VPS11: variants seen among roughly 807,000 people sequenced by gnomAD.
The protein encoded by VPS11 is VPS11 core subunit of CORVET and HOPS complexes.
In VPS11, 51 loss-of-function variants were observed where a neutral mutation model predicts 106.8. The ratio of observed to expected loss-of-function variants is 0.48; its 90% confidence interval spans 0.38 to 0.60. VPS11 has a LOEUF of 0.60. Ranked by LOEUF, VPS11 falls within the 20% of genes least tolerant of loss-of-function variation. The pLI, the probability that VPS11 is intolerant of heterozygous loss-of-function variation, is 0.00. For synonymous variants in VPS11, 453 were observed against 458.7 expected, an observed-to-expected ratio of 0.99 and a Z score of 0.16; for missense variants, 950 against 1,190.0, an observed-to-expected ratio of 0.80 and a Z score of 2.97.
chr11:119,070,032 T>TAAATA (rs1243110961), intron 3 of VPS11, among the ~76,000 whole-genome samples: 2 of 147,718 alleles, frequency 1.4e-5, no homozygotes, highest in African/African-American at 2.5e-5. Context: ...ATAAATAAAA[T>TAAATA]AAATAAAGTT....
rs781992468 is a variant in VPS11 at position 119,078,913 on chromosome 11, G to A, written c.2182G>A (p.Ala728Thr). ...SLWEQALSYF[A>T]RKEEDCKEYV... ...GTGGGAGCAGGCCCTCAGCTACTTC[G>A]CTCGCAAGGAGGAGGACTGCAAGGA... Residue 728 changes from alanine to threonine, a missense_variant, in exon 13 of 16, where the codon GCT (alanine) becomes ACT (threonine). Physicochemically the swap from Ala to Thr is moderately conservative, Grantham distance 58. Around this residue, in one of 3 missense-constraint regions of VPS11, gnomAD observed 453 missense variants for 514.6 expected, o/e 0.88. Coordinates refer to ENST00000621676, the MANE Select transcript of VPS11 (RefSeq NM_021729.6). The A allele has an allele frequency of 1.2e-5, 20 of 1,613,910 alleles. No individual in the cohort carries two copies. The highest frequency in any genetic ancestry group is 6.7e-5 in the East Asian group (3 of 44,896).
chr11:119,081,906 G>C lies in VPS11; in HGVS notation c.*283G>C, dbSNP rs1228098442. 2.3e-6 allele frequency: 1 copy of C among 426,624 alleles called. No homozygotes were observed. The highest frequency in any genetic ancestry group is 3.9e-5 in the East Asian group (1 of 25,784). 26.4% of individuals were successfully genotyped at this position (426,624 alleles called of 1,614,324 possible). A position where few individuals can be genotyped will look rare whatever the true frequency, so the allele number is the denominator to read the frequency against. ...AATAGCTGCTTTCTTCTCTATCCAA[G>C]AGCACCAGGCTGTGCTTGGGTCCTT... On this transcript the variant is annotated 3_prime_UTR_variant, in exon 16 of 16. Coordinates refer to ENST00000621676, the MANE Select transcript of VPS11 (RefSeq NM_021729.6).
At chr11:119,079,875 AC>A (rs1945786247) in intron 14 of VPS11, among the ~76,000 whole-genome samples, 2 of 152,000 alleles carry the variant, frequency 1.3e-5, no homozygotes, top group South Asian at 4.1e-4. Flanking sequence ...CATAATCCCA[AC>A]TCTGAAATCT....
At chr11:119,078,507 C>A in intron 11 of VPS11, 58 bp from the exon 12 acceptor site, 1 of 1,594,572 alleles carries the variant, frequency 6.3e-7, no homozygotes. Context: ...GGCTTTGTCC[C>A]AAGAGACCTT....
intron 7 of VPS11, among the ~76,000 whole-genome samples, chr11:119,074,671 T>TTAGAG (rs1416695561): frequency 1.3e-5 from 2 of 152,156 alleles, no homozygotes; most frequent in Non-Finnish European, 2.9e-5. Flanking sequence ...TCCCAAAGTG[T>TTAGAG]TAGGATTACA....
Position 119,069,212 on chromosome 11 carries a change from C to T in VPS11, c.204C>T (p.Ile68=). ...ACCCTGCACATATGGAAGGCCAGAT[C>T]TGGTTCTTGCCACGTTCCCTACAGC... ...SLVFGDMEGQ[I]WFLPRSLQLT... The change falls in exon 2 of 16, where the codon ATC becomes ATT. Residue 68 remains isoleucine (I), a synonymous_variant. Coordinates refer to ENST00000621676, the MANE Select transcript of VPS11 (RefSeq NM_021729.6). The T allele has an allele frequency of 6.2e-7, 1 of 1,613,976 alleles. No individual in the cohort carries two copies. Among genetic ancestry groups the T allele is most frequent in the East Asian group, 2.2e-5 (1 of 44,886 alleles).
At position 119,071,703 on chromosome 11, in the gene VPS11, T is replaced by G. The variant is rs782470489; in HGVS notation, c.744T>G (p.Ile248Met). The change falls in exon 5 of 16, where the codon ATT (isoleucine) becomes ATG (methionine). Residue 248 changes from isoleucine to methionine, a missense_variant. Ile to Met is a conservative substitution (Grantham distance 10). Around this residue, in one of 3 missense-constraint regions of VPS11, gnomAD observed 435 missense variants for 630.2 expected, o/e 0.69. Transcript: ENST00000621676. ...LSDPSQDLQF[I>M]VAGDECVYLY... Reference sequence around the variant, plus strand: ...ACCCTTCTCAGGACCTGCAGTTCATTGTGGCCGGGGATGAGTGTGTCTACT... The same window carrying G: ...ACCCTTCTCAGGACCTGCAGTTCATGGTGGCCGGGGATGAGTGTGTCTACT... 1 of 1,613,890 alleles carries G rather than the reference T, an allele frequency of 6.2e-7. No individual in the cohort carries two copies. Among genetic ancestry groups the G allele is most frequent in the Non-Finnish European group, 8.5e-7 (1 of 1,179,892 alleles).
In VPS11 at chr11:119,081,789, T is replaced by C; in HGVS notation, c.*166T>C. ...CGGACTTTCTTTCCCTGCCTTCTTA[T>C]TTAGTCAGCTTGCCATCCCTCCTCT... On this transcript the variant is annotated 3_prime_UTR_variant, in exon 16 of 16. Transcript: ENST00000621676. 2 of 938,222 alleles carry C rather than the reference T, an allele frequency of 2.1e-6. No homozygotes were observed. Among genetic ancestry groups the C allele is most frequent in the East Asian group, 2.6e-5 (1 of 37,776 alleles). The allele number at this position is 938,222 out of a possible 1,614,324, so 58.1% of individuals were successfully genotyped here.
At position 119,081,188 on chromosome 11, in the gene VPS11, C is replaced by G. The variant is rs782027690; in HGVS notation, c.2535C>G (p.His845Gln). ...HFLCGHSFHQ[H>Q]CFESYSESDA... ...TGTGTGGCCACTCCTTCCACCAACA[C>G]TGCTTTGAGAGTTACTCGGAAAGTG... The change falls in exon 15 of 16, where the codon CAC (histidine) becomes CAG (glutamine). Residue 845 changes from histidine to glutamine, a missense_variant. Coordinates refer to ENST00000621676, the MANE Select transcript of VPS11 (RefSeq NM_021729.6). 1.2e-6 allele frequency: 2 copies of G among 1,613,928 alleles called. No homozygotes were observed. The highest frequency in any genetic ancestry group is 1.7e-5 in the Admixed American group (1 of 60,010).
chr11:119,069,374 C>G (rs782381457), intron 2 of VPS11, 30 bp downstream of exon 2: 28 of 1,613,690 alleles, frequency 1.7e-5, no homozygotes, highest in Non-Finnish European at 2.4e-5. Flanking sequence ...TGGGAAAGAT[C>G]CAGAAGCCTA....
intron 7 of VPS11, among the ~76,000 whole-genome samples, chr11:119,076,007 C>T (rs1443526954): frequency 2.6e-5 from 4 of 152,000 alleles, no homozygotes; most frequent in Non-Finnish European, 5.9e-5. Flanking sequence ...GTGGGCGGAT[C>T]ACGAGGTCAA....
intron 2 of VPS11, 38 bp downstream of exon 2, chr11:119,069,382 C>G: frequency 1.2e-6 from 2 of 1,613,754 alleles, no homozygotes; most frequent in South Asian, 1.1e-5. Context: ...ATCCAGAAGC[C>G]TAGGAATGAT....
intron 8 of VPS11, 112 bp from the exon 9 acceptor site, chr11:119,077,389 A>G (rs901947629): frequency 2.2e-5 from 31 of 1,409,094 alleles, no homozygotes; most frequent in Non-Finnish European, 2.8e-5. Context: ...TAATATTTTC[A>G]AAGTGTGAAC....
At position 119,073,934 on chromosome 11, in the gene VPS11, T is replaced by C. The variant is rs1157091758; in HGVS notation, c.1221T>C (p.Ala407=). 1.9e-6 allele frequency: 3 copies of C among 1,612,678 alleles called. No individual in the cohort carries two copies. Among genetic ancestry groups the C allele is most frequent in the Admixed American group, 1.7e-5 (1 of 59,998 alleles). ...ACAGCAAGGGCAACCACGATGGGGC[T>C]GTCCAGCAATATATCCGGTCAGTCT... is the stretch of plus-strand genomic sequence containing the variant. ...HLYSKGNHDG[A]VQQYIRTIGK... The change falls in exon 7 of 16, where the codon GCT becomes GCC. Residue 407 remains alanine (A), a synonymous_variant. Transcript: ENST00000621676.
intron 6 of VPS11, 152 bp from the exon 7 acceptor site, chr11:119,073,648 G>T (rs1001175124): frequency 1.4e-5 from 13 of 928,430 alleles, no homozygotes; most frequent in Non-Finnish European, 2.1e-5. Context: ...AGATGATACT[G>T]ATCTTGGGGA....
rs1319187724 is a variant in VPS11 at position 119,078,558 on chromosome 11, T to C, written c.1924-7T>C. 11 of 1,606,344 alleles carry C rather than the reference T, an allele frequency of 6.8e-6. No individual in the cohort carries two copies. The highest frequency in any genetic ancestry group is 8.5e-6 in the Non-Finnish European group (10 of 1,173,854). ...TGTCCAGCAGCTCTGCCCTCCTTCC[T>C]CTCCAGGTCAAAGAGAAGCTTCACG... On this transcript the variant is annotated splice_polypyrimidine_tract_variant and splice_region_variant and intron_variant, in intron 11 of 15. Transcript: ENST00000621676.
At chr11:119,068,996 A>ACCACCCCCCCCC (rs1945249578) in intron 1 of VPS11, among the ~76,000 whole-genome samples, 200 bp from the exon 2 acceptor site, 1 of 11,598 alleles carries the variant, frequency 8.6e-5, no homozygotes, top group Non-Finnish European at 1.7e-4. Context: ...GGTGATCCGC[A>ACCACCCCCCCCC]CCCCCCCCCC....
Position 119,077,601 on chromosome 11 carries a change from A to G in VPS11, c.1526A>G (p.His509Arg). The G allele has an allele frequency of 6.2e-7, 1 of 1,612,864 alleles. No homozygotes were observed. The highest frequency in any genetic ancestry group is 2.2e-5 in the East Asian group (1 of 44,872). ...YSHALYLAEN[H>R]AHHEWYLKIQ... ...CATGCCCTGTATCTGGCGGAGAACC[A>G]TGCACATCATGAGTGGTACCTGAAG... is the stretch of plus-strand genomic sequence containing the variant. Residue 509 changes from histidine to arginine, a missense_variant, in exon 9 of 16, where the codon CAT becomes CGT. His to Arg is a conservative substitution (Grantham distance 29). Coordinates refer to ENST00000621676, the MANE Select transcript of VPS11 (RefSeq NM_021729.6).
Position 119,078,919 on chromosome 11 carries a change from A to G in VPS11, c.2188A>G (p.Lys730Glu). 1 of 1,614,050 alleles carries G rather than the reference A, an allele frequency of 6.2e-7. No homozygotes were observed. The highest frequency in any genetic ancestry group is 8.5e-7 in the Non-Finnish European group (1 of 1,179,902). Reference sequence around the variant, plus strand: ...GCAGGCCCTCAGCTACTTCGCTCGCAAGGAGGAGGACTGCAAGGAGTATGT... The same window carrying G: ...GCAGGCCCTCAGCTACTTCGCTCGCGAGGAGGAGGACTGCAAGGAGTATGT... ...WEQALSYFAR[K>E]EEDCKEYVAA... Residue 730 changes from lysine to glutamate, a missense_variant, in exon 13 of 16, where the codon AAG (lysine) becomes GAG (glutamate). Physicochemically the swap from Lys to Glu is moderately conservative, Grantham distance 56 (BLOSUM62 1). This residue lies in a region of VPS11 where 453 missense variants were observed against 514.6 expected (regional missense o/e 0.88). Coordinates refer to ENST00000621676, the MANE Select transcript of VPS11 (RefSeq NM_021729.6).
Sources: allele counts gnomAD v4.1 joint callset (sites outside exome capture counted in the v4.1 genomes callset), GRCh38; gene constraint gnomAD v4.1.1; regional missense constraint gnomAD v4.1.1; transcripts MANE v1.5; gene names NCBI Gene and HGNC (gene_info 2026-07-23, HGNC 2026-07-21).